The following FOXP2 variants were observed in gnomAD, a reference collection of about 807,000 sequenced individuals.
FOXP2 encodes forkhead box P2.
Under a neutral mutation model 115.8 loss-of-function variants are expected in FOXP2, and 12 were observed. The observed-to-expected ratio is 0.10, with a 90% CI of 0.07 to 0.17. FOXP2 has a LOEUF of 0.17. Among genes scored for constraint, FOXP2 ranks in the 10% least tolerant of loss-of-function variants. FOXP2 has a pLI of 1.00. For synonymous variants in FOXP2, 328 were observed against 297.7 expected, an observed-to-expected ratio of 1.10 and a Z score of -1.05; for missense variants, 629 against 843.5, an observed-to-expected ratio of 0.75 and a Z score of 3.15.
At position 114,692,118 on chromosome 7, in the gene FOXP2, A is replaced by G; in HGVS notation, c.*2192A>G. ...GTATGGTGAAAGATGGTTTTCAGTC[A>G]TCTAGGATCCTACTGTAAGGATTAT... On this transcript the variant is annotated 3_prime_UTR_variant, in exon 17 of 17. Transcript: ENST00000350908. 1 of 453,928 alleles carries G rather than the reference A, an allele frequency of 2.2e-6. No homozygotes were observed. The highest frequency in any genetic ancestry group is 4.4e-6 in the Non-Finnish European group (1 of 226,708). 28.1% of individuals were successfully genotyped at this position (453,928 alleles called of 1,614,324 possible).
intron 2 of FOXP2, among the ~76,000 whole-genome samples, chr7:114,464,127 G>A (rs1178907871): frequency 1.3e-5 from 2 of 152,104 alleles, no homozygotes; most frequent in Non-Finnish European, 2.9e-5. Context: ...TTGTAAATGA[G>A]GTTTGTGAAA....
intron 2 of FOXP2, among the ~76,000 whole-genome samples, chr7:114,373,881 G>T (rs1017188213): frequency 6.6e-6 from 1 of 152,172 alleles, no homozygotes; most frequent in Non-Finnish European, 1.5e-5. Context: ...GAGAGAATGG[G>T]TTATAAGTAG....
intron 2 of FOXP2, among the ~76,000 whole-genome samples, chr7:114,438,946 T>A (rs1487187768): frequency 6.6e-6 from 1 of 152,198 alleles, no homozygotes; most frequent in East Asian, 1.9e-4. Context: ...TAATGTGATC[T>A]GAGAAGACAT....
chr7:114,121,449 T>C (rs1251078098), intron 1 of FOXP2, among the ~76,000 whole-genome samples: 1 of 152,146 alleles, frequency 6.6e-6, no homozygotes, highest in Non-Finnish European at 1.5e-5. Flanking sequence ...AAATTCAGTT[T>C]TTTACATTTT....
intron 3 of FOXP2, among the ~76,000 whole-genome samples, chr7:114,557,548 G>T (rs1800525030): frequency 6.6e-6 from 1 of 151,182 alleles, no homozygotes; most frequent in African/African-American, 2.4e-5. Flanking sequence ...TTCCTAATTA[G>T]TGCTGCATTA....
chr7:114,210,255 A>C (rs1490568349), intron 1 of FOXP2, among the ~76,000 whole-genome samples: 2 of 152,138 alleles, frequency 1.3e-5, no homozygotes, highest in Non-Finnish European at 2.9e-5. Context: ...ATTCTTTCTC[A>C]TCTTTGTGGG....
chr7:114,443,743 G>A (rs986219094), intron 2 of FOXP2, among the ~76,000 whole-genome samples: 1 of 152,128 alleles, frequency 6.6e-6, no homozygotes, highest in Non-Finnish European at 1.5e-5. Flanking sequence ...TTGCTGCAGA[G>A]GACATGATCT....
chr7:114,515,617 A>G (rs1798298446), intron 2 of FOXP2, among the ~76,000 whole-genome samples: 1 of 151,914 alleles, frequency 6.6e-6, no homozygotes, highest in Non-Finnish European at 1.5e-5. Context: ...TCTGGATATT[A>G]GCCCTTTGTC....
At chr7:114,167,578 G>A (rs1005817590) in intron 1 of FOXP2, among the ~76,000 whole-genome samples, 1 of 152,050 alleles carries the variant, frequency 6.6e-6, no homozygotes, top group Non-Finnish European at 1.5e-5. Context: ...GAATCATGGG[G>A]GCAGGTCTTT....
intron 1 of FOXP2, among the ~76,000 whole-genome samples, chr7:114,112,165 G>A (rs147207743): frequency 2.0e-5 from 3 of 152,172 alleles, no homozygotes; most frequent in Non-Finnish European, 4.4e-5. Context: ...CCAATAAGGT[G>A]CCTTTTAAAT....
intron 1 of FOXP2, among the ~76,000 whole-genome samples, chr7:114,186,199 A>G: frequency 6.6e-6 from 1 of 152,148 alleles, no homozygotes; most frequent in African/African-American, 2.4e-5. Context: ...ACGTCCTTCT[A>G]ACATACAAAA....
chr7:114,484,030 A>C (rs1796668214), intron 2 of FOXP2, among the ~76,000 whole-genome samples: 1 of 151,826 alleles, frequency 6.6e-6, no homozygotes, highest in African/African-American at 2.4e-5. Context: ...CATTGGAATA[A>C]AATATCCTTC....
At chr7:114,318,774 G>T (rs1797338245) in intron 2 of FOXP2, among the ~76,000 whole-genome samples, 1 of 151,690 alleles carries the variant, frequency 6.6e-6, no homozygotes, top group Non-Finnish European at 1.5e-5. Flanking sequence ...TTTTCTGGCA[G>T]ATCAGAGCTA....
chr7:114,319,444 A>G (rs1214982252), intron 2 of FOXP2, among the ~76,000 whole-genome samples: 1 of 152,362 alleles, frequency 6.6e-6, no homozygotes, highest in East Asian at 1.9e-4. Context: ...TACAGAAGAA[A>G]GAGGTTTATT....
In FOXP2 at chr7:114,642,604, C is replaced by T. The variant is rs1263127788; in HGVS notation, c.970C>T (p.Leu324=). The T allele has an allele frequency of 1.2e-6, 2 of 1,613,442 alleles. No individual in the cohort carries two copies. Among genetic ancestry groups the T allele is most frequent in the Admixed American group, 3.3e-5 (2 of 59,988 alleles). The change falls in exon 7 of 17, where the codon CTA becomes TTA. Residue 324 remains leucine, a synonymous_variant. Coordinates refer to ENST00000350908, the MANE Select transcript of FOXP2 (RefSeq NM_014491.4). ...HSIVNGQSSV[L]SARRDSSSHE... is the part of the protein sequence containing the mutation. The stretch of plus-strand genomic sequence containing the variant: ...CATAGTGAATGGACAGTCTTCAGTT[C>T]TAAGTGCAAGACGAGACAGGTAAAT...
intron 1 of FOXP2, among the ~76,000 whole-genome samples, chr7:114,109,663 A>T (rs1791214931): frequency 6.6e-6 from 1 of 152,132 alleles, no homozygotes. Flanking sequence ...TCAATGTTTC[A>T]TTCCAACTTT....
In FOXP2 at chr7:114,629,867, G is replaced by A. The variant is rs760578760; in HGVS notation, c.459G>A (p.Gln153=). The A allele has an allele frequency of 2.5e-6, 4 of 1,609,346 alleles. No homozygotes were observed. Among genetic ancestry groups the A allele is most frequent in the Non-Finnish European group, 3.4e-6 (4 of 1,178,836 alleles). ...AGTTACATCTTCAGCTTTTGCAGCA[G>A]CAGCAGCAACAGCAGCAGCAGCAAC... ...QEQLHLQLLQ[Q]QQQQQQQQQQ... The change falls in exon 5 of 17, where the codon CAG becomes CAA. Residue 153 remains glutamine (Q), a synonymous_variant. Coordinates refer to ENST00000350908, the MANE Select transcript of FOXP2 (RefSeq NM_014491.4).
chr7:114,186,352 A>G (rs1205284923), intron 1 of FOXP2, among the ~76,000 whole-genome samples: 2 of 152,172 alleles, frequency 1.3e-5, no homozygotes, highest in African/African-American at 4.8e-5. Context: ...GAATAGTATA[A>G]TATTTCTCCC....
In FOXP2 at chr7:114,691,585, A is replaced by C. The variant is rs1368944483; in HGVS notation, c.*1659A>C. 2.2e-6 allele frequency: 1 copy of C among 454,042 alleles called. No homozygotes were observed. Among genetic ancestry groups the C allele is most frequent in the Non-Finnish European group, 4.4e-6 (1 of 226,756 alleles). The allele number at this position is 454,042 out of a possible 1,614,324, so 28.1% of individuals were successfully genotyped here. On this transcript the variant is annotated 3_prime_UTR_variant, in exon 17 of 17. Coordinates refer to ENST00000350908, the MANE Select transcript of FOXP2 (RefSeq NM_014491.4). Reference sequence around the variant, plus strand: ...TGATGTAGTTGAAAATAGCATAGTCAGATGTTTGCTTAAAACCTAGAAACT... The same window carrying C: ...TGATGTAGTTGAAAATAGCATAGTCCGATGTTTGCTTAAAACCTAGAAACT...
Sources: gnomAD v4.1 joint callset for allele counts (sites outside exome capture counted in the v4.1 genomes callset) on GRCh38, gnomAD v4.1.1 for gene constraint, MANE v1.5 for transcripts, NCBI Gene and HGNC (gene_info 2026-07-23, HGNC 2026-07-21) for gene names.